Variants in SDK1 observed in about 807,000 individuals in gnomAD.
SDK1 encodes protein sidekick-1.
In SDK1, 157 loss-of-function variants were observed where a neutral mutation model predicts 245.5. That is an observed-to-expected ratio of 0.64 (90% CI 0.56 to 0.73). The LOEUF (loss-of-function observed/expected upper bound fraction) is 0.73. Ranked by LOEUF, SDK1 falls within the 30% of genes least tolerant of loss-of-function variation. The pLI is 0.00. For missense variants in SDK1, 3,583 were observed against 3,002.3 expected, an observed-to-expected ratio of 1.19 and a Z score of -4.52; for synonymous variants, 1,647 against 1,278.5, an observed-to-expected ratio of 1.29 and a Z score of -6.15.
At chr7:4,204,676 G>A (rs1035405016) in intron 35 of SDK1, among the ~76,000 whole-genome samples, 2 of 152,124 alleles carry the variant, frequency 1.3e-5, no homozygotes, top group African/African-American at 2.4e-5. Flanking sequence ...CAGTCAAAAG[G>A]CTGCACTCCT....
chr7:3,366,485 A>G (rs1781094673), intron 1 of SDK1, among the ~76,000 whole-genome samples: 1 of 152,070 alleles, frequency 6.6e-6, no homozygotes. Flanking sequence ...GATCCTGCAG[A>G]ATTCCCCTTT....
chr7:3,662,691 G>A (rs569363939), intron 4 of SDK1, among the ~76,000 whole-genome samples: 3 of 152,308 alleles, frequency 2.0e-5, no homozygotes, highest in Admixed American at 6.5e-5. Flanking sequence ...GTGTCTCACA[G>A]ATGTACAGTG....
At chr7:3,467,645 T>G (rs1446774884) in intron 1 of SDK1, among the ~76,000 whole-genome samples, 1 of 152,122 alleles carries the variant, frequency 6.6e-6, no homozygotes, top group African/African-American at 2.4e-5. Context: ...TAAATTTTCT[T>G]AAGAACAAAG....
At chr7:4,244,286 G>A (rs1002240604) in intron 43 of SDK1, among the ~76,000 whole-genome samples, 1 of 152,122 alleles carries the variant, frequency 6.6e-6, no homozygotes, top group Non-Finnish European at 1.5e-5. Flanking sequence ...CTCACTCCTC[G>A]CAGCATGAGG....
intron 1 of SDK1, among the ~76,000 whole-genome samples, chr7:3,466,768 C>A (rs1472546956): frequency 5.9e-5 from 9 of 151,508 alleles, no homozygotes; most frequent in Admixed American, 5.9e-4. Context: ...GTATCTCCCC[C>A]CACCCCTTCT....
At chr7:3,847,207 C>T (rs1283283126) in intron 5 of SDK1, among the ~76,000 whole-genome samples, 2 of 152,254 alleles carry the variant, frequency 1.3e-5, no homozygotes, top group African/African-American at 4.8e-5. Context: ...CACATGTGTG[C>T]CCTGCTGTCT....
chr7:4,034,600 C>A (rs1017993174), intron 17 of SDK1, among the ~76,000 whole-genome samples: 1 of 152,136 alleles, frequency 6.6e-6, no homozygotes, highest in Non-Finnish European at 1.5e-5. Context: ...TGATGCAGCC[C>A]CTGAAGCAGG....
chr7:4,255,770 A>C (rs1348850954), intron 44 of SDK1, among the ~76,000 whole-genome samples: 4 of 152,136 alleles, frequency 2.6e-5, no homozygotes, highest in Non-Finnish European at 5.9e-5. Context: ...AATTTCTGTC[A>C]CACTGAGCTG....
At chr7:3,707,084 C>T (rs1445220616) in intron 4 of SDK1, among the ~76,000 whole-genome samples, 1 of 151,850 alleles carries the variant, frequency 6.6e-6, no homozygotes. Flanking sequence ...TATTTATTTT[C>T]TTCTGCTAGC....
At chr7:3,896,320 T>A (rs1178572743) in intron 5 of SDK1, among the ~76,000 whole-genome samples, 3 of 152,218 alleles carry the variant, frequency 2.0e-5, no homozygotes, top group Non-Finnish European at 4.4e-5. Context: ...TTCCACCCAG[T>A]GCCCTATGCA....
At chr7:3,821,708 T>C in intron 5 of SDK1, 125 bp downstream of exon 5, 1 of 990,362 alleles carries the variant, frequency 1.0e-6, no homozygotes, top group Non-Finnish European at 1.4e-6. Context: ...TACGGTTTAA[T>C]ATTGATCCAG....
chr7:3,993,727 C>T (rs1164339303), intron 14 of SDK1, among the ~76,000 whole-genome samples: 1 of 152,098 alleles, frequency 6.6e-6, no homozygotes. Context: ...TCTTTATTTC[C>T]TCTCTGTGTT....
At chr7:4,007,429 C>T (rs990428863) in intron 14 of SDK1, among the ~76,000 whole-genome samples, 3 of 152,088 alleles carry the variant, frequency 2.0e-5, no homozygotes, top group Admixed American at 2.0e-4. Flanking sequence ...CTACAGGAAG[C>T]CTCGGGGCAG....
intron 43 of SDK1, among the ~76,000 whole-genome samples, chr7:4,242,488 C>A (rs2128238419): frequency 6.6e-6 from 1 of 152,180 alleles, no homozygotes; most frequent in Middle Eastern, 3.4e-3. Context: ...AGGGGTTGAC[C>A]TGGGTTTGCC....
chr7:3,382,511 A>C (rs1352163822), intron 1 of SDK1, among the ~76,000 whole-genome samples: 1 of 152,204 alleles, frequency 6.6e-6, no homozygotes, highest in Non-Finnish European at 1.5e-5. Context: ...ATCATTGCCA[A>C]GGTCAGTGGA....
intron 1 of SDK1, among the ~76,000 whole-genome samples, chr7:3,386,163 G>C (rs1781604852): frequency 6.6e-6 from 1 of 152,120 alleles, no homozygotes; most frequent in Admixed American, 6.5e-5. Flanking sequence ...GCAGAAATAA[G>C]ACTTGTTTTA....
intron 5 of SDK1, among the ~76,000 whole-genome samples, chr7:3,879,827 C>T (rs545443482): frequency 2.4e-4 from 36 of 152,148 alleles, no homozygotes; most frequent in Non-Finnish European, 4.0e-4. Flanking sequence ...AAACTATATA[C>T]AGCATGCATA....
At chr7:3,455,848 G>A (rs1253272160) in intron 1 of SDK1, among the ~76,000 whole-genome samples, 2 of 152,116 alleles carry the variant, frequency 1.3e-5, no homozygotes, top group East Asian at 3.8e-4. Flanking sequence ...ATTGTGTTAA[G>A]CCAATAGATC....
rs533098263 is a variant in SDK1, at chr7:3,873,771, A to G, written c.847+52188A>G. Among the ~76,000 whole-genome samples, 204 of 152,202 alleles carry G rather than the reference A, an allele frequency of 1.3e-3. 1 individual carries two copies. Among genetic ancestry groups the G allele is most frequent in the African/African-American group, 4.7e-3 (196 of 41,548 alleles). ...TCTAAATACTGTTTTTCTGATTTCTATCATTTCCATTTAATTCTTTTTCAC... is the reference window on the plus strand; with the variant it reads ...TCTAAATACTGTTTTTCTGATTTCTGTCATTTCCATTTAATTCTTTTTCAC... On this transcript the variant is annotated intron_variant, in intron 5 of 44. Coordinates refer to ENST00000404826, the MANE Select transcript of SDK1 (RefSeq NM_152744.4).
Sources: gnomAD v4.1 joint callset for allele counts (sites outside exome capture counted in the v4.1 genomes callset) on GRCh38, gnomAD v4.1.1 for gene constraint, MANE v1.5 for transcripts, NCBI Gene and HGNC (gene_info 2026-07-23, HGNC 2026-07-21) for gene names.